ALK: variants seen among roughly 807,000 people sequenced by gnomAD.
ALK encodes ALK tyrosine kinase receptor.
In ALK, 74 loss-of-function variants were observed where a neutral mutation model predicts 163.1. The observed-to-expected ratio is 0.45, with a 90% CI of 0.38 to 0.55. ALK has a LOEUF of 0.55. ALK is among the 20% of genes least tolerant of loss of function. ALK has a pLI of 0.00. For missense variants in ALK, 2,063 were observed against 2,105.3 expected (o/e 0.98, Z 0.39); for synonymous variants, 960 against 843.2 (o/e 1.14, Z -2.40).
At position 29,269,492 on chromosome 2, in the gene ALK, CAGCTGTGCTTGCTCCAGGGA is replaced by C. The variant is rs575244609; in HGVS notation, c.2041+5587_2041+5606del. On this transcript the variant is annotated intron_variant, in intron 11 of 28. Coordinates refer to ENST00000389048, the MANE Select transcript of ALK (RefSeq NM_004304.5). ...CTTTGCCACCTCTCTTCCTGGAGCACAGCTGTGCTTGCTCCAGGGAAGGGAGACACACCCAAATGAATAGT... is the reference window on the plus strand; with the variant it reads ...CTTTGCCACCTCTCTTCCTGGAGCACAGGGAGACACACCCAAATGAATAGT... Among the ~76,000 whole-genome samples, 388 of 152,248 alleles carry C rather than the reference CAGCTGTGCTTGCTCCAGGGA, an allele frequency of 2.5e-3. 2 individuals carry two copies. The highest frequency in any genetic ancestry group is 4.7e-3 in the Non-Finnish European group (320 of 68,024).
intron 3 of ALK, among the ~76,000 whole-genome samples, chr2:29,595,116 G>A (rs1675173661): frequency 6.6e-6 from 1 of 151,972 alleles, no homozygotes; most frequent in Non-Finnish European, 1.5e-5. Context: ...CCAAGTAGAC[G>A]AATATTTGAA....
chr2:29,769,813 C>A (rs961707107), intron 1 of ALK, among the ~76,000 whole-genome samples: 1 of 152,188 alleles, frequency 6.6e-6, no homozygotes, highest in Non-Finnish European at 1.5e-5. Flanking sequence ...ACAACAGCAA[C>A]AGCGGTTTAG....
At chr2:29,200,754 TATATATGTATATATATAC>T (rs1669143801) in intron 26 of ALK, among the ~76,000 whole-genome samples, 2 of 81,668 alleles carry the variant, frequency 2.4e-5, no homozygotes, top group Admixed American at 1.0e-4. Context: ...TATATATACG[TATATATGTATATATATAC>T]GTATATATAT....
intron 1 of ALK, among the ~76,000 whole-genome samples, chr2:29,919,273 C>T (rs1187745966): frequency 6.6e-6 from 1 of 152,160 alleles, no homozygotes; most frequent in African/African-American, 2.4e-5. Flanking sequence ...GATGGTTTCT[C>T]CCTGGCTTCA....
At chr2:29,606,424 C>A (rs1573494264) in intron 3 of ALK, among the ~76,000 whole-genome samples, 1 of 152,204 alleles carries the variant, frequency 6.6e-6, no homozygotes, top group African/African-American at 2.4e-5. Context: ...AGGTCTCAGA[C>A]CTTTGTGCTA....
chr2:29,578,279 C>T (rs1334214107), intron 3 of ALK, among the ~76,000 whole-genome samples: 3 of 152,174 alleles, frequency 2.0e-5, no homozygotes, highest in Non-Finnish European at 4.4e-5. Context: ...GTGAGGCCTC[C>T]CCAGCCATCT....
At chr2:29,580,444 C>T (rs1317973005) in intron 3 of ALK, among the ~76,000 whole-genome samples, 3 of 152,210 alleles carry the variant, frequency 2.0e-5, no homozygotes, top group Admixed American at 1.3e-4. Flanking sequence ...TCTGAGCAAC[C>T]TTATAACCAA....
chr2:29,805,808 ATC>A (rs932257237), intron 1 of ALK, among the ~76,000 whole-genome samples: 4 of 151,882 alleles, frequency 2.6e-5, no homozygotes, highest in Non-Finnish European at 5.9e-5. Flanking sequence ...CTTTTTAATC[ATC>A]TCTGTTTATG....
chr2:29,398,921 G>A (rs1188605908), intron 4 of ALK, among the ~76,000 whole-genome samples: 1 of 152,154 alleles, frequency 6.6e-6, no homozygotes, highest in Non-Finnish European at 1.5e-5. Context: ...GCAGTTAATG[G>A]ACACTCAGGC....
chr2:29,653,444 G>C (rs1677090455), intron 3 of ALK, among the ~76,000 whole-genome samples: 1 of 152,076 alleles, frequency 6.6e-6, no homozygotes. Flanking sequence ...GCTCCTCACT[G>C]AGAAACTGTG....
At chr2:29,886,409 C>G (rs1477814185) in intron 1 of ALK, among the ~76,000 whole-genome samples, 1 of 152,200 alleles carries the variant, frequency 6.6e-6, no homozygotes, top group Non-Finnish European at 1.5e-5. Flanking sequence ...AAGAATAATC[C>G]ATCATGCATG....
At chr2:29,473,720 C>G (rs893070191) in intron 4 of ALK, among the ~76,000 whole-genome samples, 1 of 151,416 alleles carries the variant, frequency 6.6e-6, no homozygotes, top group African/African-American at 2.4e-5. Flanking sequence ...AAAAAAAATA[C>G]AAAAATTAGC....
At chr2:29,331,247 T>C (rs1175090574) in intron 5 of ALK, among the ~76,000 whole-genome samples, 2 of 152,224 alleles carry the variant, frequency 1.3e-5, no homozygotes, top group Admixed American at 6.5e-5. Flanking sequence ...TTTCCCCAGA[T>C]AACTTATAGA....
In ALK at chr2:29,849,735, TG is replaced by T. The variant is rs537756083; in HGVS notation, c.667+70257del. ...TTGCTGGTACCTGGCTGTCAGCACC[TG>T]GTTGCAGTGGTGTCCCTTAGCTTAG... On this transcript the variant is annotated intron_variant, in intron 1 of 28. Transcript: ENST00000389048. Among the ~76,000 whole-genome samples, 15 of 152,190 alleles carry T rather than the reference TG, an allele frequency of 9.9e-5. No homozygotes were observed. In the South Asian group the frequency reaches 3.1e-3, roughly 32 times the overall value.
At chr2:29,465,087 C>T (rs1256767918) in intron 4 of ALK, among the ~76,000 whole-genome samples, 2 of 152,070 alleles carry the variant, frequency 1.3e-5, no homozygotes, top group African/African-American at 4.8e-5. Flanking sequence ...TAACAAACCC[C>T]AATCTGAAGA....
intron 1 of ALK, among the ~76,000 whole-genome samples, chr2:29,731,551 G>A (rs1023082415): frequency 5.9e-5 from 9 of 152,288 alleles, no homozygotes; most frequent in African/African-American, 2.2e-4. Flanking sequence ...GGGACAGGAT[G>A]AGCTGCTGGC....
chr2:29,432,981 T>C (rs571470693), intron 4 of ALK, among the ~76,000 whole-genome samples: 3 of 152,078 alleles, frequency 2.0e-5, no homozygotes, highest in African/African-American at 7.2e-5. Context: ...GAGCAGGAAA[T>C]AGATAGTCAA....
At position 29,679,081 on chromosome 2, in the gene ALK, A is replaced by T. The variant is rs148190881; in HGVS notation, c.952+15769T>A. Among the ~76,000 whole-genome samples the T allele has an allele frequency of 2.6e-4, 40 of 151,922 alleles. 1 individual carries two copies. The highest frequency in any genetic ancestry group is 9.6e-4 in the African/African-American group (40 of 41,526). ...TGATGCACATACATTTATAATTGTT[A>T]TCTCTTCCTGGTGAATTGACATTTT... On this transcript the variant is annotated intron_variant, in intron 3 of 28. Transcript: ENST00000389048.
intron 3 of ALK, among the ~76,000 whole-genome samples, chr2:29,533,569 T>C (rs908726513): frequency 1.3e-5 from 2 of 152,184 alleles, no homozygotes; most frequent in African/African-American, 2.4e-5. Flanking sequence ...CCAGGATGTA[T>C]AGCTTTGGAA....
Sources: gnomAD v4.1 joint callset for allele counts (sites outside exome capture counted in the v4.1 genomes callset) on GRCh38, gnomAD v4.1.1 for gene constraint, MANE v1.5 for transcripts, NCBI Gene and HGNC (gene_info 2026-07-23, HGNC 2026-07-21) for gene names.